The following MAGI2 variants were observed in gnomAD, a reference collection of about 807,000 sequenced individuals.
MAGI2 encodes membrane-associated guanylate kinase, WW and PDZ domain-containing protein 2.
A neutral mutation model predicts 133.3 loss-of-function variants in MAGI2; 35 were observed. The ratio of observed to expected loss-of-function variants is 0.26; its 90% CI spans 0.20 to 0.35. The LOEUF is 0.35. Ranked by LOEUF, MAGI2 falls within the 10% of genes least tolerant of loss-of-function variation. The pLI is 1.00. For synonymous variants in MAGI2, 729 were observed against 710.6 expected, an observed-to-expected ratio of 1.03 and a Z score of -0.41; for missense variants, 1,636 against 1,863.4, an observed-to-expected ratio of 0.88 and a Z score of 2.25.
At position 79,036,321 on chromosome 7, in the gene MAGI2, T is replaced by C. The variant is rs554432712; in HGVS notation, c.302-29115A>G. ...GACTTGAGGATTATCACACTACTTA[T>C]GGATAGATGTTAGATTCATTGGTAC... is the stretch of plus-strand genomic sequence containing the variant. On this transcript the variant is annotated intron_variant, in intron 1 of 21. Transcript: ENST00000354212. Among the ~76,000 whole-genome samples the C allele has an allele frequency of 2.3e-3, 351 of 152,336 alleles. 4 individuals are homozygous for C. The highest frequency in any genetic ancestry group is 0.014 in the Middle Eastern group (4 of 294).
intron 3 of MAGI2, among the ~76,000 whole-genome samples, chr7:78,545,740 G>C (rs1003244336): frequency 2.0e-5 from 3 of 152,188 alleles, no homozygotes; most frequent in Non-Finnish European, 2.9e-5. Flanking sequence ...AGTTTGTGTA[G>C]AACATATTGA....
At chr7:78,298,874 G>A (rs1287258407) in intron 9 of MAGI2, among the ~76,000 whole-genome samples, 1 of 147,006 alleles carries the variant, frequency 6.8e-6, no homozygotes, top group Non-Finnish European at 1.5e-5. Context: ...GGAGTGCAGT[G>A]GTGCAATCTC....
chr7:78,922,973 T>G (rs1276887964), intron 2 of MAGI2, among the ~76,000 whole-genome samples: 1 of 152,176 alleles, frequency 6.6e-6, no homozygotes, highest in African/African-American at 2.4e-5. Context: ...ATGTGTCTTT[T>G]GGCTGCATAA....
At chr7:78,323,000 T>A (rs1004644619) in intron 9 of MAGI2, among the ~76,000 whole-genome samples, 2 of 151,466 alleles carry the variant, frequency 1.3e-5, no homozygotes, top group Non-Finnish European at 2.9e-5. Flanking sequence ...ATATTGAGCA[T>A]TTTCTCATCT....
chr7:78,640,876 T>G (rs1470286243), intron 2 of MAGI2, among the ~76,000 whole-genome samples: 1 of 152,216 alleles, frequency 6.6e-6, no homozygotes, highest in Admixed American at 6.5e-5. Context: ...CATGATATAG[T>G]TTGGCTGTGT....
intron 1 of MAGI2, among the ~76,000 whole-genome samples, chr7:79,101,689 A>G (rs1367774948): frequency 2.1e-5 from 3 of 141,442 alleles, no homozygotes; most frequent in Non-Finnish European, 4.5e-5. Flanking sequence ...GCGCCACCGC[A>G]CTCCAGCAGG....
At chr7:79,076,668 A>G (rs1815492333) in intron 1 of MAGI2, among the ~76,000 whole-genome samples, 1 of 152,246 alleles carries the variant, frequency 6.6e-6, no homozygotes, top group South Asian at 2.1e-4. Context: ...GTTATAGTAG[A>G]CTTTTCAACT....
chr7:79,369,365 T>C (rs901649738), intron 1 of MAGI2, among the ~76,000 whole-genome samples: 2 of 152,156 alleles, frequency 1.3e-5, no homozygotes, highest in African/African-American at 2.4e-5. Flanking sequence ...ATGAAACCAC[T>C]CAACTTAGTC....
Position 78,610,551 on chromosome 7 carries a change from G to T in MAGI2, c.538+16569C>A, listed in dbSNP as rs145702300. On this transcript the variant is annotated intron_variant, in intron 3 of 21. Transcript: ENST00000354212. ...AGAGCTCCATGACAATTGGTTCCAC[G>T]GTCTAAGAAGTTTGAAAAATGCTGG... Among the ~76,000 whole-genome samples the T allele has an allele frequency of 2.5e-3, 386 of 152,248 alleles. 1 individual carries two copies. Among genetic ancestry groups the T allele is most frequent in the African/African-American group, 8.7e-3 (361 of 41,534 alleles).
intron 1 of MAGI2, among the ~76,000 whole-genome samples, chr7:79,326,807 T>G (rs1362207556): frequency 6.6e-6 from 1 of 152,152 alleles, no homozygotes; most frequent in Non-Finnish European, 1.5e-5. Flanking sequence ...CTGGGACAGA[T>G]GTTCAAGATC....
At chr7:78,482,451 C>T (rs753179538) in intron 6 of MAGI2, among the ~76,000 whole-genome samples, 4 of 151,904 alleles carry the variant, frequency 2.6e-5, no homozygotes, top group Admixed American at 6.6e-5. Flanking sequence ...TGCAAACATT[C>T]ATAGCAGCTT....
At chr7:78,265,808 T>A (rs187073512) in intron 9 of MAGI2, among the ~76,000 whole-genome samples, 88 of 152,350 alleles carry the variant, frequency 5.8e-4, no homozygotes, top group Non-Finnish European at 1.1e-3. Context: ...CAAGCATGAT[T>A]CGTTTTTGCA....
chr7:78,447,597 T>A lies in MAGI2; in HGVS notation c.1045+42164A>T, dbSNP rs183705630. On this transcript the variant is annotated intron_variant, in intron 6 of 21. Transcript: ENST00000354212. The stretch of plus-strand genomic sequence containing the variant: ...GGAAGCATGTCAGTGACATTTCAAG[T>A]GAAGTGACATTTGGGCAAGTTGACT... 6.2e-4 allele frequency among the ~76,000 whole-genome samples: 94 copies of A among 152,096 alleles called. No individual in the cohort carries two copies. The East Asian group carries it at 0.014, about 23-fold the overall frequency.
intron 20 of MAGI2, among the ~76,000 whole-genome samples, chr7:78,098,452 A>G (rs1817913579): frequency 6.6e-6 from 1 of 152,186 alleles, no homozygotes; most frequent in Admixed American, 6.5e-5. Flanking sequence ...GTTCATTTTC[A>G]CTACTACATA....
In MAGI2 at chr7:78,621,032, T is replaced by C. The variant is rs12334193; in HGVS notation, c.538+6088A>G. ...TAAGTGGTGAGTGAAATCACGAATG[T>C]AAAATCACAGACACCTGGAAGAAGT... On this transcript the variant is annotated intron_variant, in intron 3 of 21. Transcript: ENST00000354212. 7.3e-3 allele frequency among the ~76,000 whole-genome samples: 1,106 copies of C among 152,018 alleles called. 13 individuals are homozygous for C. The highest frequency in any genetic ancestry group is 0.025 in the African/African-American group (1,042 of 41,498).
intron 1 of MAGI2, among the ~76,000 whole-genome samples, chr7:79,042,305 G>A (rs547758073): frequency 3.9e-5 from 6 of 152,122 alleles, no homozygotes; most frequent in African/African-American, 1.4e-4. Context: ...TTTTTTGATT[G>A]TTGTTGGTTT....
At position 79,230,227 on chromosome 7, in the gene MAGI2, T is replaced by C. The variant is rs534839345; in HGVS notation, c.301+222793A>G. Among the ~76,000 whole-genome samples, 976 of 149,490 alleles carry C rather than the reference T, an allele frequency of 6.5e-3. 12 individuals carry two copies. The highest frequency in any genetic ancestry group is 9.0e-3 in the South Asian group (42 of 4,650). On this transcript the variant is annotated intron_variant, in intron 1 of 21. Coordinates refer to ENST00000354212, the MANE Select transcript of MAGI2 (RefSeq NM_012301.4). ...TTGGGTTGGTTCCAAGTCTTTGCTA[T>C]TGTGAATAATGCTGCAATAAACATA... is the stretch of plus-strand genomic sequence containing the variant.
At chr7:78,963,334 C>T (rs970885329) in intron 2 of MAGI2, among the ~76,000 whole-genome samples, 1 of 152,162 alleles carries the variant, frequency 6.6e-6, no homozygotes, top group Admixed American at 6.6e-5. Flanking sequence ...ATCTGGCAAG[C>T]TTTTATTATG....
chr7:79,350,235 C>T (rs1320204572), intron 1 of MAGI2, among the ~76,000 whole-genome samples: 2 of 152,050 alleles, frequency 1.3e-5, no homozygotes, highest in Admixed American at 1.3e-4. Flanking sequence ...GCCTCAGAGG[C>T]CGGATTTTCT....
Sources: allele counts gnomAD v4.1 joint callset (sites outside exome capture counted in the v4.1 genomes callset), GRCh38; gene constraint gnomAD v4.1.1; transcripts MANE v1.5; gene names NCBI Gene and HGNC (gene_info 2026-07-23, HGNC 2026-07-21).